The following DRC1 variants were observed in gnomAD, a reference collection of about 807,000 sequenced individuals.
The protein encoded by DRC1 is dynein regulatory complex protein 1.
In DRC1, 74 loss-of-function variants were observed where a neutral mutation model predicts 98.7. The observed-to-expected ratio is 0.75, with a 90% CI of 0.62 to 0.91. The LOEUF (loss-of-function observed/expected upper bound fraction) is 0.91. Ranked by LOEUF, DRC1 falls within the 40% of genes least tolerant of loss-of-function variation. DRC1 has a pLI of 0.00. For synonymous variants in DRC1, 336 were observed against 334.1 expected (o/e 1.01, Z -0.06); for missense variants, 875 against 886.0 (o/e 0.99, Z 0.16).
chr2:26,448,533 G>C, intron 10 of DRC1, 158 bp from the exon 11 acceptor site: 1 of 810,040 alleles, frequency 1.2e-6, no homozygotes, highest in Admixed American at 2.0e-5. Context: ...CCACGTAATA[G>C]GCTTTTTTCA....
intron 11 of DRC1, among the ~76,000 whole-genome samples, chr2:26,449,005 C>G (rs1663932743): frequency 6.6e-6 from 1 of 152,244 alleles, no homozygotes; most frequent in Admixed American, 6.5e-5. Flanking sequence ...TGAGCTGGCC[C>G]AGCTGGAAAA....
chr2:26,431,115 C>T lies in DRC1; in HGVS notation c.765+243C>T, dbSNP rs7593221. 0.019 allele frequency among the ~76,000 whole-genome samples: 2,920 copies of T among 152,176 alleles called. 94 individuals carry two copies. Among genetic ancestry groups the T allele is most frequent in the African/African-American group, 0.067 (2,763 of 41,486 alleles). ...AGCTGGGATTACAGGCACACACCAC[C>T]ATGCTAATTTCTGTATTTTTAGTAG... On this transcript the variant is annotated intron_variant, in intron 6 of 16. Transcript: ENST00000288710.
intron 5 of DRC1, 113 bp from the exon 6 acceptor site, chr2:26,430,673 T>C: frequency 1.8e-6 from 2 of 1,140,122 alleles, no homozygotes; most frequent in Non-Finnish European, 2.7e-6. Context: ...TGGATTTGAC[T>C]TTTTCTATGT....
rs575105809 is a variant in DRC1, at chr2:26,409,816, G to C, written c.156-4528G>C. Among the ~76,000 whole-genome samples the C allele has an allele frequency of 3.3e-5, 5 of 152,114 alleles. No homozygotes were observed. The South Asian group carries it at 8.3e-4, about 25-fold the overall frequency. ...AACCCATGTTTTAATTTTTTCATAG[G>C]CTTTTTAGTTCTTGTCATGAGTCAG... On this transcript the variant is annotated intron_variant, in intron 1 of 16. Coordinates refer to ENST00000288710, the MANE Select transcript of DRC1 (RefSeq NM_145038.5).
intron 10 of DRC1, 94 bp downstream of exon 10, chr2:26,445,042 G>A (rs1663818599): frequency 1.5e-6 from 2 of 1,294,026 alleles, no homozygotes; most frequent in African/African-American, 3.0e-5. Context: ...CTAGGGAGGA[G>A]GGGGAAGAGT....
At chr2:26,404,476 G>T (rs2147974036) in intron 1 of DRC1, among the ~76,000 whole-genome samples, 1 of 152,336 alleles carries the variant, frequency 6.6e-6, no homozygotes, top group African/African-American at 2.4e-5. Flanking sequence ...CATAGATGCT[G>T]TGTTCAGGAG....
At chr2:26,429,110 C>T (rs1374888578) in intron 4 of DRC1, among the ~76,000 whole-genome samples, 1 of 152,018 alleles carries the variant, frequency 6.6e-6, no homozygotes, top group African/African-American at 2.4e-5. Flanking sequence ...GAGCAGAGTC[C>T]ATTCCACTCC....
Position 26,446,615 on chromosome 2 carries a change from T to C in DRC1, c.1396+1667T>C, listed in dbSNP as rs542434607. Among the ~76,000 whole-genome samples, 55 of 152,304 alleles carry C rather than the reference T, an allele frequency of 3.6e-4. No homozygotes were observed. In the Middle Eastern group the frequency reaches 0.017, roughly 47 times the overall value. On this transcript the variant is annotated intron_variant, in intron 10 of 16. Transcript: ENST00000288710. ...CTTTCTTCCAACTTTAAAATCTTAG[T>C]GCTCAGTGACTTCAAAATAATGAAT...
Position 26,450,077 on chromosome 2 carries a change from A to G in DRC1, c.1591A>G (p.Ile531Val), listed in dbSNP as rs1474315758. The G allele has an allele frequency of 2.5e-6, 4 of 1,612,880 alleles. No individual in the cohort carries two copies. The highest frequency in any genetic ancestry group is 1.3e-5 in the African/African-American group (1 of 74,862). The stretch of plus-strand genomic sequence containing the variant: ...ATGCTATCTGCTGAGGCTGGATGCC[A>G]TCTTCTCCGTGAGTCCAACGGGGCT... ...NECYLLRLDA[I>V]FSALGIESED... is the part of the protein sequence containing the mutation. Residue 531 changes from isoleucine to valine, a missense_variant, in exon 12 of 17, where the codon ATC becomes GTC. Transcript: ENST00000288710.
intron 11 of DRC1, among the ~76,000 whole-genome samples, chr2:26,449,475 A>G (rs570861924): frequency 2.6e-5 from 4 of 152,328 alleles, no homozygotes; most frequent in Admixed American, 2.0e-4. Context: ...CCACCTCCCC[A>G]TGGAGCTCTC....
intron 13 of DRC1, among the ~76,000 whole-genome samples, chr2:26,450,892 C>T (rs1262134606): frequency 6.6e-6 from 1 of 152,078 alleles, no homozygotes; most frequent in Non-Finnish European, 1.5e-5. Context: ...CCCCACCCCC[C>T]GACAGGCCCC....
Position 26,455,154 on chromosome 2 carries a change from A to C in DRC1, c.2087A>C (p.Lys696Thr). 2 of 1,614,114 alleles carry C rather than the reference A, an allele frequency of 1.2e-6. No homozygotes were observed. Among genetic ancestry groups the C allele is most frequent in the Non-Finnish European group, 1.7e-6 (2 of 1,180,046 alleles). Residue 696 changes from lysine to threonine, a missense_variant, in exon 16 of 17, where the codon AAG (lysine) becomes ACG (threonine). Lys to Thr is a moderately conservative substitution (Grantham distance 78, BLOSUM62 -1). Coordinates refer to ENST00000288710, the MANE Select transcript of DRC1 (RefSeq NM_145038.5). ...AGCCTTGTCCTGACCCAGAGGGCCA[A>C]GCTGCTGCTGGAAAACAGTTCTCTG... ...KYHLVLTQRA[K>T]LLLENSSLEQ...
intron 12 of DRC1, 79 bp downstream of exon 12, chr2:26,450,164 C>A: frequency 7.1e-7 from 1 of 1,405,150 alleles, no homozygotes; most frequent in Non-Finnish European, 9.8e-7. Flanking sequence ...ATTGCCTCAA[C>A]CCTGGCAGTG....
rs1291461722 is a variant in DRC1, at chr2:26,453,393, T to A, written c.1763T>A (p.Leu588Gln). Residue 588 changes from leucine (L) to glutamine (Q), a missense_variant, in exon 14 of 17, where the codon CTG (leucine) becomes CAG (glutamine). By Grantham distance (113) the Leu-to-Gln change is moderately radical. Transcript: ENST00000288710. ...EETSTRSELE[L>Q]AEQTEMEGEK... The stretch of plus-strand genomic sequence containing the variant: ...ACAAGCACGAGGTCAGAATTGGAGC[T>A]GGCAGAGCAGACGGAGATGGAGGGA... 6.2e-7 allele frequency: 1 copy of A among 1,614,126 alleles called. No homozygotes were observed. Among genetic ancestry groups the A allele is most frequent in the Non-Finnish European group, 8.5e-7 (1 of 1,180,034 alleles).
At chr2:26,426,344 T>A (rs960994784) in intron 4 of DRC1, among the ~76,000 whole-genome samples, 1 of 151,946 alleles carries the variant, frequency 6.6e-6, no homozygotes, top group African/African-American at 2.4e-5. Flanking sequence ...TAATTCCTGT[T>A]GCTCTTTGCA....
At chr2:26,409,359 T>C (rs753162991) in intron 1 of DRC1, among the ~76,000 whole-genome samples, 2 of 152,232 alleles carry the variant, frequency 1.3e-5, no homozygotes, top group Non-Finnish European at 2.9e-5. Context: ...TGATACTAAT[T>C]TGTCCTTATT....
intron 6 of DRC1, among the ~76,000 whole-genome samples, chr2:26,431,244 G>A (rs1663429902): frequency 6.6e-6 from 1 of 152,126 alleles, no homozygotes; most frequent in Admixed American, 6.5e-5. Context: ...GTGAGCCTCC[G>A]CGCCCGGCCG....
At chr2:26,410,185 G>T (rs963145367) in intron 1 of DRC1, among the ~76,000 whole-genome samples, 2 of 150,364 alleles carry the variant, frequency 1.3e-5, no homozygotes, top group Non-Finnish European at 3.0e-5. Flanking sequence ...GGAAAATAAA[G>T]ATGATGAAAT....
chr2:26,405,244 C>T (rs924527899), intron 1 of DRC1, among the ~76,000 whole-genome samples: 2 of 152,164 alleles, frequency 1.3e-5, no homozygotes, highest in Admixed American at 1.3e-4. Flanking sequence ...TTTCGTTTTG[C>T]ACCAAATGAT....
Sources: gnomAD v4.1 joint callset for allele counts (sites outside exome capture counted in the v4.1 genomes callset) on GRCh38, gnomAD v4.1.1 for gene constraint, MANE v1.5 for transcripts, NCBI Gene and HGNC (gene_info 2026-07-23, HGNC 2026-07-21) for gene names.